PPFIA2: variants seen among roughly 807,000 people sequenced by gnomAD.
PPFIA2 encodes the protein PPFI scaffold protein A2, also known as liprin-alpha-2.
PPFIA2 carries 46 observed loss-of-function variants against 175.5 expected under a neutral mutation model. That is an observed-to-expected ratio of 0.26 (90% CI 0.21 to 0.34). The LOEUF is 0.34. Ranked by LOEUF, PPFIA2 falls within the 10% of genes least tolerant of loss-of-function variation. The probability of loss-of-function intolerance (pLI) is 1.00; values close to 1 mark genes in which losing one functional copy is unlikely to be tolerated. For synonymous variants in PPFIA2, 568 were observed against 511.4 expected (o/e 1.11, Z -1.49); for missense variants, 1,179 against 1,506.1 (o/e 0.78, Z 3.60).
intron 4 of PPFIA2, among the ~76,000 whole-genome samples, chr12:81,592,449 T>C (rs11114925): frequency 0.028 from 4,198 of 152,266 alleles, 70 homozygotes; most frequent in East Asian, 0.078. Context: ...TCTGTCCCCA[T>C]CCAAATCTCA....
At chr12:81,444,106 G>A (rs545225114) in intron 6 of PPFIA2, among the ~76,000 whole-genome samples, 2 of 151,696 alleles carry the variant, frequency 1.3e-5, no homozygotes, top group African/African-American at 4.8e-5. Flanking sequence ...CGCCCGCCTC[G>A]GCCTCCCAAA....
Position 81,454,556 on chromosome 12 carries a change from T to C in PPFIA2, c.405+3209A>G, listed in dbSNP as rs2053243745. Among the ~76,000 whole-genome samples the C allele has an allele frequency of 2.6e-5, 4 of 152,344 alleles. No individual in the cohort carries two copies. The South Asian group carries it at 8.3e-4, about 32-fold the overall frequency. On this transcript the variant is annotated intron_variant, in intron 5 of 32. Transcript: ENST00000549396. ...ATTATATTATCATTATTACTCTCTA[T>C]CTTCATTCAATTCCCACTGGAACTT... is the stretch of plus-strand genomic sequence containing the variant.
intron 4 of PPFIA2, among the ~76,000 whole-genome samples, chr12:81,478,333 T>C (rs2057748561): frequency 6.6e-6 from 1 of 152,098 alleles, no homozygotes; most frequent in African/African-American, 2.4e-5. Flanking sequence ...TAGCAGTCTA[T>C]CTATTTTGTT....
At chr12:81,389,290 C>T (rs775798649) in intron 8 of PPFIA2, among the ~76,000 whole-genome samples, 1 of 151,178 alleles carries the variant, frequency 6.6e-6, no homozygotes, top group African/African-American at 2.4e-5. Context: ...TGTGCACCTG[C>T]GCTCCATTAA....
intron 7 of PPFIA2, among the ~76,000 whole-genome samples, chr12:81,439,183 C>CTA (rs199639649): frequency 2.0e-3 from 301 of 148,484 alleles, no homozygotes; most frequent in Admixed American, 4.7e-3. Flanking sequence ...CTCTCTCTCT[C>CTA]TCTATATATA....
chr12:81,298,210 A>G (rs1018034389), intron 23 of PPFIA2: 3 of 152,208 alleles, frequency 2.0e-5, no homozygotes, highest in Non-Finnish European at 4.4e-5. Context: ...TTTTAAATAT[A>G]GTAATTTTAA....
intron 4 of PPFIA2, among the ~76,000 whole-genome samples, chr12:81,579,220 A>T (rs2074045372): frequency 6.6e-6 from 1 of 151,828 alleles, no homozygotes; most frequent in African/African-American, 2.4e-5. Flanking sequence ...AGCTAAAGGT[A>T]AAAAGATAAT....
intron 3 of PPFIA2, among the ~76,000 whole-genome samples, chr12:81,683,291 T>C (rs114012783): frequency 1.2e-3 from 186 of 152,106 alleles, no homozygotes; most frequent in African/African-American, 4.3e-3. Flanking sequence ...CCTTCATTCC[T>C]GTCATCCTAA....
At chr12:81,512,422 T>C in intron 4 of PPFIA2, 1 of 1,134,686 alleles carries the variant, frequency 8.8e-7, no homozygotes, top group Admixed American at 2.9e-5. Flanking sequence ...CAGCCTAAAA[T>C]GGAATTTTTC....
intron 4 of PPFIA2, among the ~76,000 whole-genome samples, chr12:81,522,956 AC>A (rs932334945): frequency 6.6e-6 from 1 of 152,152 alleles, no homozygotes; most frequent in Non-Finnish European, 1.5e-5. Context: ...TCACTCAAGG[AC>A]CCAGGCTGAT....
intron 4 of PPFIA2, among the ~76,000 whole-genome samples, chr12:81,547,655 G>A (rs761282703): frequency 2.0e-5 from 3 of 151,452 alleles, no homozygotes; most frequent in Non-Finnish European, 4.4e-5. Context: ...AAGTAACAAA[G>A]AGTTAGAGAA....
At chr12:81,657,712 G>C (rs949292673) in intron 4 of PPFIA2, among the ~76,000 whole-genome samples, 1 of 152,130 alleles carries the variant, frequency 6.6e-6, no homozygotes, top group Non-Finnish European at 1.5e-5. Context: ...GCTAGCTTTT[G>C]TAATTGCTAA....
intron 14 of PPFIA2, among the ~76,000 whole-genome samples, 188 bp downstream of exon 14, chr12:81,366,920 T>A (rs1037112389): frequency 2.0e-5 from 3 of 151,672 alleles, no homozygotes; most frequent in African/African-American, 7.3e-5. Context: ...TGAATTTGGG[T>A]TACAAAGATT....
intron 17 of PPFIA2, 55 bp from the exon 18 acceptor site, chr12:81,347,825 A>G (rs562426110): frequency 6.3e-7 from 1 of 1,587,516 alleles, no homozygotes; most frequent in East Asian, 2.2e-5. Context: ...GATCCATTAT[A>G]TGCTGCTGTA....
In PPFIA2 at chr12:81,281,338, C is replaced by T. The variant is rs776261718; in HGVS notation, c.3131G>A (p.Cys1044Tyr). Residue 1044 changes from cysteine (C) to tyrosine (Y), a missense_variant, in exon 27 of 33, where the codon TGC becomes TAC. Cys to Tyr is a radical substitution (Grantham distance 194). Coordinates refer to ENST00000549396, the MANE Select transcript of PPFIA2 (RefSeq NM_003625.5). ...ATCTAACATTCTTGCATCTACCAAG[C>T]ATTCCATAAAGTAACTTCTGTACTG... ...LPQYRSYFMECLVDARMLDHL... is the reference protein window; with the variant it reads ...LPQYRSYFMEYLVDARMLDHL... 10 of 1,611,498 alleles carry T rather than the reference C, an allele frequency of 6.2e-6. No homozygotes were observed. Among genetic ancestry groups the T allele is most frequent in the Non-Finnish European group, 7.6e-6 (9 of 1,178,008 alleles).
intron 4 of PPFIA2, among the ~76,000 whole-genome samples, chr12:81,511,402 C>T (rs370289066): frequency 6.6e-6 from 1 of 151,852 alleles, no homozygotes. Context: ...AAATGAACAT[C>T]AAGATTTATA....
Position 81,459,845 on chromosome 12 carries a change from T to C in PPFIA2, c.304-1979A>G, listed in dbSNP as rs191816417. On this transcript the variant is annotated intron_variant, in intron 4 of 32. Coordinates refer to ENST00000549396, the MANE Select transcript of PPFIA2 (RefSeq NM_003625.5). Reference sequence around the variant, plus strand: ...TCACATTTATTATACCACCTTGCTCTCTAAATACCTAGTGAGGAGGTCTCA... The same window carrying C: ...TCACATTTATTATACCACCTTGCTCCCTAAATACCTAGTGAGGAGGTCTCA... Among the ~76,000 whole-genome samples, 11 of 152,224 alleles carry C rather than the reference T, an allele frequency of 7.2e-5. No homozygotes were observed. In the East Asian group the frequency reaches 2.1e-3, roughly 29 times the overall value.
intron 24 of PPFIA2, 134 bp downstream of exon 24, chr12:81,294,701 A>T: frequency 3.6e-6 from 3 of 831,026 alleles, no homozygotes; most frequent in Non-Finnish European, 5.7e-6. Flanking sequence ...AAGGTTAATA[A>T]AGAGCAAGCT....
At chr12:81,449,421 T>G (rs1043976650) in intron 5 of PPFIA2, among the ~76,000 whole-genome samples, 1 of 150,738 alleles carries the variant, frequency 6.6e-6, no homozygotes, top group Non-Finnish European at 1.5e-5. Flanking sequence ...ACCATACTTC[T>G]ACCAGAAACA....
Sources: gnomAD v4.1 joint callset for allele counts (sites outside exome capture counted in the v4.1 genomes callset) on GRCh38, gnomAD v4.1.1 for gene constraint, MANE v1.5 for transcripts, NCBI Gene and HGNC (gene_info 2026-07-23, HGNC 2026-07-21) for gene names.